Variants in EXOC4 observed in about 807,000 individuals in gnomAD.
EXOC4 encodes SEC8-like 1.
Under a neutral mutation model 107.2 loss-of-function variants are expected in EXOC4, and 71 were observed. The observed-to-expected ratio is 0.66, with a 90% CI of 0.55 to 0.81. The LOEUF (loss-of-function observed/expected upper bound fraction) is 0.81, where lower values mean the gene tolerates loss of function less well. EXOC4 is among the 30% of genes least tolerant of loss of function. EXOC4 has a pLI of 0.00. For synonymous variants in EXOC4, 456 were observed against 441.2 expected, an observed-to-expected ratio of 1.03 and a Z score of -0.42; for missense variants, 1,108 against 1,189.6, an observed-to-expected ratio of 0.93 and a Z score of 1.01.
chr7:133,435,886 A>G (rs1797959770), intron 7 of EXOC4, among the ~76,000 whole-genome samples: 1 of 152,108 alleles, frequency 6.6e-6, no homozygotes, highest in African/African-American at 2.4e-5. Context: ...AAGTGAATGA[A>G]TATGTTTCTT....
intron 9 of EXOC4, among the ~76,000 whole-genome samples, chr7:133,629,741 C>T (rs1378151510): frequency 2.0e-5 from 3 of 151,528 alleles, no homozygotes; most frequent in African/African-American, 7.3e-5. Flanking sequence ...TGGGGTTTCA[C>T]CATATTGACC....
intron 10 of EXOC4, among the ~76,000 whole-genome samples, chr7:133,637,611 AT>A (rs1369537970): frequency 5.3e-5 from 8 of 152,130 alleles, no homozygotes; most frequent in Admixed American, 2.0e-4. Flanking sequence ...AAACACAGCC[AT>A]TTTTCCCCCT....
chr7:134,032,183 T>G (rs555230791), intron 17 of EXOC4, among the ~76,000 whole-genome samples: 2 of 152,324 alleles, frequency 1.3e-5, no homozygotes, highest in South Asian at 4.1e-4. Flanking sequence ...AAGTTTTTTC[T>G]TATAACTACA....
At chr7:133,685,930 G>A (rs1316817759) in intron 10 of EXOC4, among the ~76,000 whole-genome samples, 2 of 152,016 alleles carry the variant, frequency 1.3e-5, no homozygotes, top group East Asian at 1.9e-4. Flanking sequence ...ATGTCCATGC[G>A]TACACACTAT....
At chr7:133,996,379 A>C (rs1794392900) in intron 14 of EXOC4, among the ~76,000 whole-genome samples, 1 of 152,174 alleles carries the variant, frequency 6.6e-6, no homozygotes, top group African/African-American at 2.4e-5. Context: ...AAACTTTTGA[A>C]TGAGATCACC....
In EXOC4 at chr7:133,639,519, A is replaced by G. The variant is rs374309942; in HGVS notation, c.1514+9378A>G. Among the ~76,000 whole-genome samples the G allele has an allele frequency of 1.4e-4, 21 of 152,220 alleles. No individual in the cohort carries two copies. In the East Asian group the frequency reaches 3.1e-3, roughly 22 times the overall value. Reference sequence around the variant, plus strand: ...AATAGGCCCCAAAATAAGCAATGCTATTTTCTCAGGACTTTATTATTTATT... The same window carrying G: ...AATAGGCCCCAAAATAAGCAATGCTGTTTTCTCAGGACTTTATTATTTATT... On this transcript the variant is annotated intron_variant, in intron 10 of 17. Transcript: ENST00000253861.
the EXOC4 span, among the ~76,000 whole-genome samples, chr7:134,092,224 C>A: frequency 6.6e-6 from 1 of 151,932 alleles, no homozygotes; most frequent in South Asian, 2.1e-4. Context: ...ATACTAAAAT[C>A]CATTGAATTA....
intron 17 of EXOC4, among the ~76,000 whole-genome samples, chr7:134,054,388 T>C (rs1795873289): frequency 1.3e-5 from 2 of 152,226 alleles, no homozygotes; most frequent in Admixed American, 1.3e-4. Flanking sequence ...GAATTTCTCC[T>C]AGACAAATTC....
intron 7 of EXOC4, among the ~76,000 whole-genome samples, chr7:133,428,042 T>C (rs185073938): frequency 2.0e-5 from 3 of 152,348 alleles, no homozygotes; most frequent in Admixed American, 1.3e-4. Flanking sequence ...TCTCAACTTA[T>C]GCCTGATAGG....
chr7:133,927,068 T>A (rs1434805459), intron 13 of EXOC4, among the ~76,000 whole-genome samples: 1 of 151,476 alleles, frequency 6.6e-6, no homozygotes, highest in African/African-American at 2.4e-5. Context: ...CCTCGTACCA[T>A]AGGTCCTCAG....
chr7:133,313,608 A>G (rs1563014085), intron 4 of EXOC4, among the ~76,000 whole-genome samples: 1 of 152,232 alleles, frequency 6.6e-6, no homozygotes. Context: ...TGTGAAGTGA[A>G]GGAACAGAAA....
At chr7:133,937,778 C>A in intron 13 of EXOC4, 113 bp from the exon 14 acceptor site, 1 of 949,696 alleles carries the variant, frequency 1.1e-6, no homozygotes, top group Non-Finnish European at 1.6e-6. Context: ...AAAGAGCACG[C>A]TGTAAAATAG....
At chr7:133,751,362 T>C (rs765591320) in intron 10 of EXOC4, among the ~76,000 whole-genome samples, 23 of 152,108 alleles carry the variant, frequency 1.5e-4, no homozygotes, top group Non-Finnish European at 2.8e-4. Flanking sequence ...TAGTAAAATT[T>C]TGGGGCTGGG....
chr7:133,552,716 G>A (rs1800615529), intron 9 of EXOC4, among the ~76,000 whole-genome samples: 1 of 152,086 alleles, frequency 6.6e-6, no homozygotes, highest in South Asian at 2.1e-4. Context: ...CCAGCTACAT[G>A]GAAGTATCTG....
At chr7:133,754,326 G>A (rs1047365994) in intron 10 of EXOC4, among the ~76,000 whole-genome samples, 1 of 152,182 alleles carries the variant, frequency 6.6e-6, no homozygotes, top group African/African-American at 2.4e-5. Context: ...GTTCGAATTT[G>A]TGGCATTTGA....
At chr7:134,019,630 A>G (rs1247463800) in intron 17 of EXOC4, among the ~76,000 whole-genome samples, 1 of 152,216 alleles carries the variant, frequency 6.6e-6, no homozygotes, top group Non-Finnish European at 1.5e-5. Context: ...GTAAATTCCT[A>G]GTTTACATAA....
At chr7:133,548,701 C>T (rs532932670) in intron 9 of EXOC4, among the ~76,000 whole-genome samples, 39 of 152,326 alleles carry the variant, frequency 2.6e-4, no homozygotes, top group African/African-American at 8.9e-4. Flanking sequence ...AGCTTTCTCA[C>T]CTCTCTCAGC....
At position 134,048,856 on chromosome 7, in the gene EXOC4, G is replaced by A. The variant is rs142202893; in HGVS notation, c.2688-15435G>A. ...TGAGGAAACCTTCTAGAAGATTGGC[G>A]TGGTCTGGTACTAGAAAAAAAAAAT... On this transcript the variant is annotated intron_variant, in intron 17 of 17. Coordinates refer to ENST00000253861, the MANE Select transcript of EXOC4 (RefSeq NM_021807.4). Among the ~76,000 whole-genome samples the A allele has an allele frequency of 1.4e-3, 207 of 152,160 alleles. No homozygotes were observed. The South Asian group carries it at 0.014, about 10-fold the overall frequency.
chr7:133,658,740 T>A (rs1803361365), intron 10 of EXOC4, among the ~76,000 whole-genome samples: 1 of 152,058 alleles, frequency 6.6e-6, no homozygotes. Context: ...AAGGTAGAAA[T>A]CAAATGAGAT....
Sources: gnomAD v4.1 joint callset for allele counts (sites outside exome capture counted in the v4.1 genomes callset) on GRCh38, gnomAD v4.1.1 for gene constraint, MANE v1.5 for transcripts, NCBI Gene and HGNC (gene_info 2026-07-23, HGNC 2026-07-21) for gene names.